The following FAM83G variants were observed in gnomAD, a reference collection of about 807,000 sequenced individuals.
FAM83G encodes scaffolding CK1 anchoring protein G.
FAM83G carries 38 observed loss-of-function variants against 61.5 expected under a neutral mutation model. The observed-to-expected ratio is 0.62, with a 90% CI of 0.48 to 0.81. The LOEUF (loss-of-function observed/expected upper bound fraction) is 0.81, where lower values mean the gene tolerates loss of function less well. Among genes scored for constraint, FAM83G ranks in the 30% least tolerant of loss-of-function variants. FAM83G has a pLI of 0.00. For missense variants in FAM83G, 989 were observed against 1,133.6 expected, an observed-to-expected ratio of 0.87 and a Z score of 1.83; for synonymous variants, 470 against 476.1, an observed-to-expected ratio of 0.99 and a Z score of 0.17.
intron 2 of FAM83G, among the ~76,000 whole-genome samples, chr17:18,997,384 C>T (rs1249622471): frequency 2.0e-5 from 3 of 152,244 alleles, no homozygotes; most frequent in South Asian, 2.1e-4. Context: ...GATCCTTTCC[C>T]GCTGGCCGCA....
rs764496911 is a variant in FAM83G at position 18,977,794 on chromosome 17, C to A, written c.1872G>T (p.Glu624Asp). 8.1e-6 allele frequency: 13 copies of A among 1,601,860 alleles called. No homozygotes were observed. Among genetic ancestry groups the A allele is most frequent in the Admixed American group, 5.1e-5 (3 of 59,122 alleles). The change falls in exon 5 of 6, where the codon GAG becomes GAT. Residue 624 changes from glutamate to aspartate, a missense_variant. Physicochemically the swap from Glu to Asp is conservative, Grantham distance 45. This residue lies in a region of FAM83G where 574 missense variants were observed against 645.1 expected (regional missense o/e 0.89). Coordinates refer to ENST00000388995, the MANE Select transcript of FAM83G (RefSeq NM_001039999.3). ...SVSEEYFEVR[E>D]HSVPLRRRHS... ...GGCGCCTCCGGAGAGGGACTGAGTGCTCTCTCACCTCGAAGTACTCCTCTG... is the reference window on the plus strand; with the variant it reads ...GGCGCCTCCGGAGAGGGACTGAGTGATCTCTCACCTCGAAGTACTCCTCTG...
chr17:18,994,688 G>A (rs59338694), intron 2 of FAM83G, among the ~76,000 whole-genome samples: 14,936 of 152,080 alleles, frequency 0.098, 2,295 homozygotes, highest in African/African-American at 0.33. Flanking sequence ...TGCAGGGGGT[G>A]TCCTCAGAAG....
In FAM83G at chr17:18,971,600, C is replaced by T. The variant is rs750821024; in HGVS notation, c.2231G>A (p.Trp744Ter). 1.5e-5 allele frequency: 24 copies of T among 1,613,622 alleles called. No individual in the cohort carries two copies. The highest frequency in any genetic ancestry group is 2.0e-5 in the Non-Finnish European group (24 of 1,180,004). ...GGGTACCTGACCTCCCTTGGCCTGC[C>T]AGTGGTGGGGGCCAGCCATGGCTGG... ...AGPAMAGPHH[W>*]QAKGGQVPRL... The change falls in exon 6 of 6, where the codon TGG becomes TAG. Residue 744 changes from tryptophan to a stop codon, truncating the protein, a stop_gained. Transcript: ENST00000388995. LOFTEE classifies it high-confidence loss of function. The surrounding 1 kb of genome is among the most constrained non-coding windows in gnomAD (Gnocchi z 5.5).
Position 18,977,530 on chromosome 17 carries a change from G to A in FAM83G, c.2082+54C>T, listed in dbSNP as rs1352215507. 13 of 1,534,974 alleles carry A rather than the reference G, an allele frequency of 8.5e-6. No individual in the cohort carries two copies. In the Admixed American group the frequency reaches 2.0e-4, roughly 24 times the overall value. On this transcript the variant is annotated intron_variant, in intron 5 of 5. Coordinates refer to ENST00000388995, the MANE Select transcript of FAM83G (RefSeq NM_001039999.3). ...CAGAAGACAACAGCTCGAGCTCTTGGGTGGCTGGCAGGGAGGGACTCGTGA... is the reference window on the plus strand; with the variant it reads ...CAGAAGACAACAGCTCGAGCTCTTGAGTGGCTGGCAGGGAGGGACTCGTGA...
rs757287574 is a variant in FAM83G at position 18,971,023 on chromosome 17, G to C, written c.*336C>G. On this transcript the variant is annotated 3_prime_UTR_variant, in exon 6 of 6. Transcript: ENST00000388995. This position sits in a 1 kb window ranked among gnomAD's most constrained non-coding sequence, Gnocchi z 5.5. ...CCCTGACCCCTCCAGCTTTTGACCA[G>C]ATCGGTGGTTACGGGCAGCTGGAGG... 4.3e-6 allele frequency: 7 copies of C among 1,613,922 alleles called. No homozygotes were observed. Among genetic ancestry groups the C allele is most frequent in the Non-Finnish European group, 5.1e-6 (6 of 1,180,008 alleles).
At chr17:18,980,535 A>C (rs1031496454) in intron 3 of FAM83G, among the ~76,000 whole-genome samples, 6 of 152,102 alleles carry the variant, frequency 3.9e-5, no homozygotes, top group African/African-American at 1.4e-4. Context: ...CCTCTGTCCC[A>C]GTGTGGAGTC....
chr17:19,002,909 A>G (rs1567806698), intron 2 of FAM83G, among the ~76,000 whole-genome samples: 1 of 152,140 alleles, frequency 6.6e-6, no homozygotes, highest in East Asian at 1.9e-4. Context: ...CTCCACTTCC[A>G]CAGATGAGGA....
At chr17:18,974,173 G>A (rs2042926816) in intron 5 of FAM83G, among the ~76,000 whole-genome samples, 1 of 152,060 alleles carries the variant, frequency 6.6e-6, no homozygotes, top group Admixed American at 6.6e-5. Flanking sequence ...TTACAGGCAT[G>A]AGCCACCATG....
At chr17:18,987,534 G>A (rs569433165) in intron 3 of FAM83G, among the ~76,000 whole-genome samples, 10 of 152,332 alleles carry the variant, frequency 6.6e-5, no homozygotes, top group African/African-American at 2.2e-4. Context: ...GCAGAAGAGC[G>A]TTGGACCAAT....
Position 18,976,775 on chromosome 17 carries a change from CCT to C in FAM83G, c.2082+807_2082+808del, listed in dbSNP as rs1425266232. The stretch of plus-strand genomic sequence containing the variant: ...ACATCATCGTGCCTCATGCCCATTC[CCT>C]GAGGCCCACCAAGGACCAATCCTGA... On this transcript the variant is annotated intron_variant, in intron 5 of 5. Transcript: ENST00000388995. 38 of 1,565,196 alleles carry C rather than the reference CCT, an allele frequency of 2.4e-5. No individual in the cohort carries two copies. The East Asian group carries it at 7.9e-4, about 33-fold the overall frequency.
At chr17:18,981,218 C>T (rs981728619) in intron 3 of FAM83G, among the ~76,000 whole-genome samples, 1 of 151,938 alleles carries the variant, frequency 6.6e-6, no homozygotes, top group African/African-American at 2.4e-5. Flanking sequence ...GGGAGGCTCC[C>T]GGGAGAGGAT....
intron 5 of FAM83G, chr17:18,977,055 C>T (rs749776194): frequency 1.9e-6 from 3 of 1,587,600 alleles, no homozygotes; most frequent in Middle Eastern, 1.8e-4. Flanking sequence ...CCTTGTCCTG[C>T]AAACGTCACC....
In FAM83G at chr17:19,003,666, G is replaced by A. The variant is rs1466470401; in HGVS notation, c.376C>T (p.Arg126Cys). The A allele has an allele frequency of 6.2e-7, 1 of 1,611,598 alleles. No homozygotes were observed. ...CCCAGGTCCAGCTGCGGGATGGAGC[G>A]GTCCGACTTCTGGGGCCAGTACTCC... Reference protein sequence around the residue: ...SLEYWPQKSDRSIPQLDLGWP... With the variant: ...SLEYWPQKSDCSIPQLDLGWP... The change falls in exon 2 of 6, where the codon CGC becomes TGC. Residue 126 changes from arginine to cysteine, a missense_variant. Arg to Cys is a radical substitution (Grantham distance 180). This residue lies in a region of FAM83G where 371 missense variants were observed against 404.5 expected (regional missense o/e 0.92). Transcript: ENST00000388995. The surrounding 1 kb of genome is among the most constrained non-coding windows in gnomAD (Gnocchi z 4.5).
At chr17:18,976,785 AC>A in intron 5 of FAM83G, 1 of 1,584,572 alleles carries the variant, frequency 6.3e-7, no homozygotes, top group Non-Finnish European at 8.6e-7. Context: ...CCTGAGGCCC[AC>A]CAAGGACCAA....
rs2151999233 is a variant in FAM83G at position 18,968,916 on chromosome 17, G to A, written c.*2443C>T. 1.4e-6 allele frequency: 1 copy of A among 710,966 alleles called. No homozygotes were observed. Among genetic ancestry groups the A allele is most frequent in the East Asian group, 2.8e-5 (1 of 35,956 alleles). The allele number at this position is 710,966 out of a possible 1,614,324, so 44.0% of individuals were successfully genotyped here. Reference sequence around the variant, plus strand: ...CACAATGGCCCCGTGATGCAGGCAGGCAGGCGAGTGGGGGTCTCCCCTCCT... The same window carrying A: ...CACAATGGCCCCGTGATGCAGGCAGACAGGCGAGTGGGGGTCTCCCCTCCT... On this transcript the variant is annotated 3_prime_UTR_variant, in exon 6 of 6. Transcript: ENST00000388995. The surrounding 1 kb of genome is among the most constrained non-coding windows in gnomAD (Gnocchi z 4.1).
intron 5 of FAM83G, among the ~76,000 whole-genome samples, chr17:18,972,666 T>C (rs1174798734): frequency 2.6e-5 from 4 of 151,946 alleles, no homozygotes; most frequent in Non-Finnish European, 5.9e-5. Context: ...ATCGAGACCA[T>C]CCTGGCTAAC....
intron 2 of FAM83G, 95 bp from the exon 3 acceptor site, chr17:18,988,509 C>T: frequency 6.4e-7 from 1 of 1,557,936 alleles, no homozygotes; most frequent in Non-Finnish European, 8.7e-7. Context: ...TGCCACCAGC[C>T]TCTCACAGGT....
intron 4 of FAM83G, 133 bp downstream of exon 4, chr17:18,979,416 G>C: frequency 9.2e-7 from 1 of 1,081,574 alleles, no homozygotes; most frequent in Non-Finnish European, 1.3e-6. Flanking sequence ...GGGCAGATGT[G>C]CTCCAGCCCT....
At position 18,977,753 on chromosome 17, in the gene FAM83G, G is replaced by A; in HGVS notation, c.1913C>T (p.Ala638Val). Residue 638 changes from alanine (A) to valine (V), a missense_variant, in exon 5 of 6, where the codon GCC becomes GTC. Ala to Val is a moderately conservative substitution (Grantham distance 64). Around this residue, in one of 3 missense-constraint regions of FAM83G, gnomAD observed 574 missense variants for 645.1 expected, o/e 0.89. Transcript: ENST00000388995. ...GCGCGGTGGTGGGGTTGGCCCGTTG[G>A]CCACTTGCTCTGAGTGGCGCCTCCG... Reference protein sequence around the residue: ...PLRRRHSEQVANGPTPPPRRQ... With the variant: ...PLRRRHSEQVVNGPTPPPRRQ... 6.2e-7 allele frequency: 1 copy of A among 1,605,438 alleles called. No homozygotes were observed. Among genetic ancestry groups the A allele is most frequent in the Non-Finnish European group, 8.5e-7 (1 of 1,176,306 alleles).
Sources: allele counts gnomAD v4.1 joint callset (sites outside exome capture counted in the v4.1 genomes callset), GRCh38; gene constraint gnomAD v4.1.1; regional missense constraint gnomAD v4.1.1; non-coding constraint Gnocchi (gnomAD v3.1); transcripts MANE v1.5; gene names NCBI Gene and HGNC (gene_info 2026-07-23, HGNC 2026-07-21).